DTNBP1: variants seen among roughly 807,000 people sequenced by gnomAD.
DTNBP1 encodes dystrobrevin binding protein 1, also known as dysbindin.
In DTNBP1, 35 loss-of-function variants were observed where a neutral mutation model predicts 42.8. The ratio of observed to expected loss-of-function variants is 0.82; its 90% confidence interval spans 0.63 to 1.09. The LOEUF (loss-of-function observed/expected upper bound fraction) is 1.09. Among genes scored for constraint, DTNBP1 ranks in the 50% least tolerant of loss-of-function variants. The probability of loss-of-function intolerance (pLI) is 0.00; values close to 1 mark genes in which losing one functional copy is unlikely to be tolerated. For synonymous variants in DTNBP1, 171 were observed against 162.2 expected (o/e 1.05, Z -0.41); for missense variants, 457 against 424.2 (o/e 1.08, Z -0.68).
chr6:15,604,414 G>A (rs570744022), intron 6 of DTNBP1, among the ~76,000 whole-genome samples: 24 of 152,168 alleles, frequency 1.6e-4, no homozygotes, highest in African/African-American at 5.5e-4. Context: ...AGGTGCTCTC[G>A]ATCTTCTCTT....
At chr6:15,567,646 T>C (rs1262330181) in intron 7 of DTNBP1, among the ~76,000 whole-genome samples, 1 of 152,196 alleles carries the variant, frequency 6.6e-6, no homozygotes, top group Non-Finnish European at 1.5e-5. Context: ...ATCAAACCAA[T>C]GTACACCTCA....
Position 15,522,856 on chromosome 6 carries a change from A to T in DTNBP1, c.*119T>A, listed in dbSNP as rs1010805674. On this transcript the variant is annotated 3_prime_UTR_variant, in exon 10 of 10. Transcript: ENST00000344537. Reference sequence around the variant, plus strand: ...TAGCTGTTCTTTAAGTTTCTCACACATTATTGGCAATTATGTAAAAATCAA... The same window carrying T: ...TAGCTGTTCTTTAAGTTTCTCACACTTTATTGGCAATTATGTAAAAATCAA... 1 of 1,550,572 alleles carries T rather than the reference A, an allele frequency of 6.4e-7. No individual in the cohort carries two copies. The highest frequency in any genetic ancestry group is 8.9e-7 in the Non-Finnish European group (1 of 1,129,704).
chr6:15,604,633 C>G (rs1476925482), intron 6 of DTNBP1, among the ~76,000 whole-genome samples: 1 of 152,134 alleles, frequency 6.6e-6, no homozygotes, highest in Non-Finnish European at 1.5e-5. Context: ...AAGTTAGTCT[C>G]TAGAACATAC....
At chr6:15,650,021 G>A (rs1760897948) in intron 3 of DTNBP1, among the ~76,000 whole-genome samples, 1 of 152,134 alleles carries the variant, frequency 6.6e-6, no homozygotes, top group Non-Finnish European at 1.5e-5. Flanking sequence ...AACAAAGGAA[G>A]CAAATATCAT....
chr6:15,651,068 C>T (rs1021961809), intron 3 of DTNBP1, among the ~76,000 whole-genome samples: 2 of 152,102 alleles, frequency 1.3e-5, no homozygotes, highest in African/African-American at 4.8e-5. Context: ...AGAAGCCGTA[C>T]ATATTATCAT....
chr6:15,584,128 G>A (rs72837852), intron 7 of DTNBP1, among the ~76,000 whole-genome samples: 4,724 of 152,028 alleles, frequency 0.031, 108 homozygotes, highest in Non-Finnish European at 0.046. Context: ...ATAAATATAA[G>A]CCAGCTTTTA....
At chr6:15,617,037 A>G (rs183841247) in intron 5 of DTNBP1, among the ~76,000 whole-genome samples, 4 of 152,276 alleles carry the variant, frequency 2.6e-5, no homozygotes, top group Admixed American at 2.6e-4. Flanking sequence ...TAGTTACAAA[A>G]TATTACAATA....
intron 6 of DTNBP1, among the ~76,000 whole-genome samples, chr6:15,603,058 G>A (rs765926711): frequency 2.4e-4 from 36 of 152,284 alleles, no homozygotes; most frequent in Admixed American, 4.6e-4. Context: ...ATCTGTTCTC[G>A]TGACTACACA....
chr6:15,617,541 G>A (rs999406164), intron 5 of DTNBP1, among the ~76,000 whole-genome samples: 2 of 151,906 alleles, frequency 1.3e-5, no homozygotes, highest in Non-Finnish European at 2.9e-5. Flanking sequence ...GAACAGAACA[G>A]AGAACCCAGA....
rs746718071 is a variant in DTNBP1 at position 15,662,967 on chromosome 6, G to A, written c.-98C>T. The A allele has an allele frequency of 3.3e-6, 5 of 1,538,210 alleles. No individual in the cohort carries two copies. In the East Asian group the frequency reaches 9.1e-5, roughly 28 times the overall value. On this transcript the variant is annotated 5_prime_UTR_variant, in exon 1 of 10. Transcript: ENST00000344537. ...CGCCAACCCCGCGCTGTCACCGCGC[G>A]CCCCGCACTCCCACTACCGGCCCCG... is the stretch of plus-strand genomic sequence containing the variant.
intron 6 of DTNBP1, among the ~76,000 whole-genome samples, chr6:15,603,330 C>T (rs894729917): frequency 6.6e-6 from 1 of 152,090 alleles, no homozygotes; most frequent in Non-Finnish European, 1.5e-5. Flanking sequence ...ACCTGGGAAC[C>T]ATCTAAAATC....
intron 1 of DTNBP1, among the ~76,000 whole-genome samples, chr6:15,657,950 C>T (rs1234070423): frequency 6.6e-6 from 1 of 152,220 alleles, no homozygotes; most frequent in Non-Finnish European, 1.5e-5. Flanking sequence ...CTCTTTGAAG[C>T]CTTCTGTAAA....
chr6:15,523,242 A>AC, intron 9 of DTNBP1, 23 bp from the exon 10 acceptor site: 1 of 1,613,766 alleles, frequency 6.2e-7, no homozygotes, highest in Non-Finnish European at 8.5e-7. Flanking sequence ...GTAGGGAAGA[A>AC]AAAGCCCTGT....
At chr6:15,526,400 G>A (rs777669526) in intron 8 of DTNBP1, among the ~76,000 whole-genome samples, 17 of 152,342 alleles carry the variant, frequency 1.1e-4, no homozygotes, top group South Asian at 2.1e-4. Flanking sequence ...GTGAGATTGC[G>A]GCTTCATCTG....
chr6:15,592,578 C>T (rs892019826), intron 7 of DTNBP1, among the ~76,000 whole-genome samples: 2 of 152,162 alleles, frequency 1.3e-5, no homozygotes, highest in East Asian at 3.9e-4. Context: ...ATCTGAGCCT[C>T]TAATTTTACA....
chr6:15,566,706 T>TC, intron 7 of DTNBP1, among the ~76,000 whole-genome samples: 1 of 151,034 alleles, frequency 6.6e-6, no homozygotes, highest in East Asian at 1.9e-4. Context: ...ATCTCCTTTT[T>TC]TTTTTTTTTT....
intron 6 of DTNBP1, among the ~76,000 whole-genome samples, chr6:15,611,676 T>C (rs989777712): frequency 4.6e-5 from 7 of 152,220 alleles, no homozygotes; most frequent in African/African-American, 1.7e-4. Flanking sequence ...TTTGAAGAAG[T>C]GGATTCCAAC....
At chr6:15,580,036 C>T (rs952613156) in intron 7 of DTNBP1, among the ~76,000 whole-genome samples, 4 of 152,040 alleles carry the variant, frequency 2.6e-5, no homozygotes, top group Non-Finnish European at 4.4e-5. Context: ...GTAATAACCA[C>T]GCAAAATTAA....
At chr6:15,613,612 C>T (rs1157112876) in intron 6 of DTNBP1, among the ~76,000 whole-genome samples, 1 of 151,992 alleles carries the variant, frequency 6.6e-6, no homozygotes, top group Non-Finnish European at 1.5e-5. Context: ...ATGATCTGCC[C>T]GCCTTGGCCT....
Sources: gnomAD v4.1 joint callset for allele counts (sites outside exome capture counted in the v4.1 genomes callset) on GRCh38, gnomAD v4.1.1 for gene constraint, MANE v1.5 for transcripts, NCBI Gene and HGNC (gene_info 2026-07-23, HGNC 2026-07-21) for gene names.